Variants in IQCK observed in about 807,000 individuals in gnomAD.
IQCK encodes the protein IQ motif containing K.
In IQCK, 29 loss-of-function variants were observed where a neutral mutation model predicts 28.1. That is an observed-to-expected ratio of 1.03 (90% CI 0.77 to 1.41). The LOEUF is 1.41. IQCK is among the 40% of genes most tolerant of loss of function. The probability of loss-of-function intolerance (pLI) is 0.00; values close to 1 mark genes in which losing one functional copy is unlikely to be tolerated. For missense variants in IQCK, 359 were observed against 314.7 expected (o/e 1.14, Z -1.07); for synonymous variants, 113 against 115.1 (o/e 0.98, Z 0.12).
intron 9 of IQCK, among the ~76,000 whole-genome samples, chr16:19,846,140 C>T (rs1032152153): frequency 5.9e-5 from 9 of 152,316 alleles, no homozygotes; most frequent in Admixed American, 5.2e-4. Flanking sequence ...CATTTCGTTT[C>T]ATCCTTGAAT....
intron 7 of IQCK, among the ~76,000 whole-genome samples, chr16:19,799,842 C>G (rs574152346): frequency 2.6e-5 from 1 of 38,784 alleles, no homozygotes; most frequent in African/African-American, 1.9e-4. Context: ...GCACTGCAGC[C>G]TGAGTGACAG....
intron 9 of IQCK, among the ~76,000 whole-genome samples, chr16:19,835,785 A>G (rs541493506): frequency 2.3e-3 from 347 of 152,168 alleles, no homozygotes; most frequent in African/African-American, 8.1e-3. Flanking sequence ...GGGTTTCACC[A>G]TGTTGGCTAG....
chr16:19,813,155 G>T (rs2055929975), intron 7 of IQCK, among the ~76,000 whole-genome samples: 1 of 152,232 alleles, frequency 6.6e-6, no homozygotes. Context: ...AGATCTGGGA[G>T]ATAGAATGCA....
intron 1 of IQCK, among the ~76,000 whole-genome samples, chr16:19,719,531 A>G (rs866563648): frequency 6.6e-6 from 1 of 150,922 alleles, no homozygotes; most frequent in African/African-American, 2.4e-5. Context: ...GTGGCGTTGC[A>G]GTGAGCCGAG....
At chr16:19,799,642 C>CA (rs1567561764) in intron 7 of IQCK, among the ~76,000 whole-genome samples, 3 of 102,732 alleles carry the variant, frequency 2.9e-5, no homozygotes, top group South Asian at 3.2e-4. Context: ...ACACACACAC[C>CA]CAGTGAATAC....
intron 4 of IQCK, among the ~76,000 whole-genome samples, chr16:19,758,274 A>G (rs2055081295): frequency 6.6e-6 from 1 of 152,224 alleles, no homozygotes; most frequent in Admixed American, 6.5e-5. Context: ...AAACTAAACA[A>G]CAGCTGAACA....
rs555625241 is a variant in IQCK, at chr16:19,721,076, G to T, written c.181+2589G>T. 4.3e-4 allele frequency among the ~76,000 whole-genome samples: 65 copies of T among 151,230 alleles called. 4 individuals are homozygous for T. The South Asian group carries it at 0.012, about 27-fold the overall frequency. ...AAACTATACACATGGACACTGTGAT[G>T]AGTATTATAACAGATGGATAAACCC... On this transcript the variant is annotated intron_variant, in intron 1 of 7. Coordinates refer to ENST00000564186, the Ensembl canonical transcript of IQCK.
chr16:19,729,899 C>T (rs1482068837), intron 1 of IQCK, among the ~76,000 whole-genome samples: 2 of 152,102 alleles, frequency 1.3e-5, no homozygotes, highest in East Asian at 1.9e-4. Flanking sequence ...CCGCCTCTGC[C>T]TCCCAAAGTG....
At chr16:19,842,548 AT>A (rs2056373480) in intron 9 of IQCK, among the ~76,000 whole-genome samples, 2 of 152,234 alleles carry the variant, frequency 1.3e-5, no homozygotes, top group African/African-American at 4.8e-5. Flanking sequence ...GTCAAAATCC[AT>A]TAAATCCTTT....
intron 4 of IQCK, among the ~76,000 whole-genome samples, chr16:19,759,416 C>T (rs530356853): frequency 3.3e-5 from 5 of 152,006 alleles, no homozygotes; most frequent in Non-Finnish European, 7.4e-5. Flanking sequence ...GCCATGTTGG[C>T]CAGGCTGGTC....
chr16:19,730,629 T>C (rs557176977), intron 2 of IQCK, 135 bp downstream of exon 2: 8 of 548,102 alleles, frequency 1.5e-5, no homozygotes, highest in African/African-American at 1.3e-4. Context: ...AACCAGAAAC[T>C]TGGGGCCAAT....
exon 6 of IQCK, chr16:19,764,103 T>C: frequency 1.2e-6 from 2 of 1,611,274 alleles, no homozygotes; most frequent in Admixed American, 1.7e-5. Context: ...GAGGAGCGGC[T>C]AAAGCAACAG....
At chr16:19,814,201 C>G (rs1162188145) in intron 7 of IQCK, among the ~76,000 whole-genome samples, 1 of 88,446 alleles carries the variant, frequency 1.1e-5, no homozygotes, top group East Asian at 3.5e-4. Flanking sequence ...GCCTGGGCAA[C>G]AAGAGCAAAA....
At chr16:19,737,810 C>T (rs2054778758) in intron 4 of IQCK, among the ~76,000 whole-genome samples, 1 of 152,098 alleles carries the variant, frequency 6.6e-6, no homozygotes, top group Non-Finnish European at 1.5e-5. Context: ...CCAACCCCCA[C>T]CTCACGGCCT....
chr16:19,808,180 C>T (rs746142074), intron 7 of IQCK, among the ~76,000 whole-genome samples: 37 of 152,170 alleles, frequency 2.4e-4, no homozygotes, highest in Non-Finnish European at 5.3e-4. Context: ...TGGATTTGGG[C>T]TGCTTCGGGC....
intron 6 of IQCK, among the ~76,000 whole-genome samples, chr16:19,776,827 C>A (rs1408833597): frequency 2.0e-5 from 3 of 152,142 alleles, no homozygotes; most frequent in Non-Finnish European, 4.4e-5. Flanking sequence ...CTCCCGTCGG[C>A]CTTAGTCCTG....
intron 4 of IQCK, among the ~76,000 whole-genome samples, chr16:19,757,228 T>G (rs989474244): frequency 1.3e-5 from 2 of 152,186 alleles, no homozygotes; most frequent in Non-Finnish European, 2.9e-5. Flanking sequence ...CTTTTCTAGG[T>G]GGAATTATAT....
At chr16:19,733,399 G>A (rs981172772) in intron 2 of IQCK, among the ~76,000 whole-genome samples, 4 of 151,958 alleles carry the variant, frequency 2.6e-5, no homozygotes, top group Admixed American at 6.6e-5. Flanking sequence ...TTGGCTTCCC[G>A]AAGTGCTGGG....
intron 6 of IQCK, among the ~76,000 whole-genome samples, chr16:19,784,021 C>G (rs1288075234): frequency 6.6e-6 from 1 of 152,108 alleles, no homozygotes; most frequent in Non-Finnish European, 1.5e-5. Flanking sequence ...ATACTTAAAG[C>G]AGGAAAATTG....
Sources: allele counts gnomAD v4.1 joint callset (sites outside exome capture counted in the v4.1 genomes callset), GRCh38; gene constraint gnomAD v4.1.1; transcripts MANE v1.5; gene names NCBI Gene and HGNC (gene_info 2026-07-23, HGNC 2026-07-21).